The following C2CD2 variants were observed in gnomAD, a reference collection of about 807,000 sequenced individuals.
C2CD2 encodes C2 domain-containing protein 2.
In C2CD2, 43 loss-of-function variants were observed where a neutral mutation model predicts 74.3. That is an observed-to-expected ratio of 0.58 (90% CI 0.45 to 0.75). The LOEUF (loss-of-function observed/expected upper bound fraction) is 0.75, where lower values mean the gene tolerates loss of function less well. C2CD2 is among the 30% of genes least tolerant of loss of function. The pLI is 0.00. For synonymous variants in C2CD2, 422 were observed against 390.7 expected, an observed-to-expected ratio of 1.08 and a Z score of -0.94; for missense variants, 801 against 916.3, an observed-to-expected ratio of 0.87 and a Z score of 1.63.
chr21:41,913,433 T>A (rs2065051438), intron 6 of C2CD2, among the ~76,000 whole-genome samples: 1 of 152,170 alleles, frequency 6.6e-6, no homozygotes. Flanking sequence ...AAGAGAAGAC[T>A]CAGACCCAGA....
intron 2 of C2CD2, among the ~76,000 whole-genome samples, chr21:41,941,010 ACAACAG>A (rs1216859234): frequency 6.6e-6 from 1 of 151,994 alleles, no homozygotes; most frequent in African/African-American, 2.4e-5. Context: ...AATAATAATA[ACAACAG>A]CAACAATAAT....
intron 13 of C2CD2, among the ~76,000 whole-genome samples, chr21:41,889,596 T>C (rs2064724644): frequency 6.6e-6 from 1 of 151,810 alleles, no homozygotes. Flanking sequence ...TCGCTTGATA[T>C]CCCTTTCTAA....
chr21:41,916,840 T>C (rs1211009095), intron 5 of C2CD2, among the ~76,000 whole-genome samples: 1 of 152,230 alleles, frequency 6.6e-6, no homozygotes, highest in Admixed American at 6.5e-5. Flanking sequence ...ATTAAATTCA[T>C]GGATTCCAAA....
In C2CD2 at chr21:41,929,165, C is replaced by T. The variant is rs1313039899; in HGVS notation, c.379-7080G>A. ...CACTAATGGCATGGTTTATTTTGTGCTGTGGTTGGAGCTAGATTCTGGAGG... is the reference window on the plus strand; with the variant it reads ...CACTAATGGCATGGTTTATTTTGTGTTGTGGTTGGAGCTAGATTCTGGAGG... On this transcript the variant is annotated intron_variant, in intron 2 of 13. Transcript: ENST00000380486. The surrounding 1 kb of genome is among the most constrained non-coding windows in gnomAD (Gnocchi z 4.6). Among the ~76,000 whole-genome samples, 1 of 151,874 alleles carries T rather than the reference C, an allele frequency of 6.6e-6. No homozygotes were observed. Among genetic ancestry groups the T allele is most frequent in the Non-Finnish European group, 1.5e-5 (1 of 67,976 alleles).
chr21:41,927,204 C>T (rs1601590950), intron 2 of C2CD2, among the ~76,000 whole-genome samples: 2 of 152,054 alleles, frequency 1.3e-5, no homozygotes, highest in African/African-American at 4.8e-5. Flanking sequence ...CTCACTCTGT[C>T]CCCTAAGCTG....
Position 41,889,189 on chromosome 21 carries a change from T to A in C2CD2, c.2026A>T (p.Lys676Ter). The part of the protein sequence containing the change: ...GITLTRILNK[K>*]LLSRHRNKNT... ...TTGTTTCTGTGCCTGGAGAGCAGCT[T>A]CTTGTTCAGGATCCTGGTGAGGGTG... The change falls in exon 14 of 14, where the codon AAG (lysine) becomes TAG (stop). Residue 676 changes from lysine to a stop codon, truncating the protein, a stop_gained. Transcript: ENST00000380486. LOFTEE classifies it low-confidence loss of function (END_TRUNC). The A allele has an allele frequency of 6.2e-7, 1 of 1,613,182 alleles. No individual in the cohort carries two copies. The highest frequency in any genetic ancestry group is 8.5e-7 in the Non-Finnish European group (1 of 1,180,020).
rs3746906 is a variant in C2CD2 at position 41,907,747 on chromosome 21, A to G, written c.1056T>C (p.Phe352=). 0.64 allele frequency: 1,027,670 copies of G among 1,613,308 alleles called. 329,074 individuals carry two copies. Among genetic ancestry groups the G allele is most frequent in the South Asian group, 0.65 (59,025 of 91,046 alleles). ...LATATVPLDL[F]KKQPSGPQSF... ...TCTGTGGCCCAGAAGGCTGCTTCTT[A>G]AATAAGTCCAGAGGAACTGTCGCCG... is the stretch of plus-strand genomic sequence containing the variant. The change falls in exon 9 of 14, where the codon TTT becomes TTC. Residue 352 remains phenylalanine (F), a synonymous_variant. Transcript: ENST00000380486.
rs185056236 is a variant in C2CD2, at chr21:41,931,684, G to C, written c.379-9599C>G. ...GATCCACCTGCCTCAGCCTCCCAAAGTGCTGGGATTACAAGCGTGAGCCAC... is the reference window on the plus strand; with the variant it reads ...GATCCACCTGCCTCAGCCTCCCAAACTGCTGGGATTACAAGCGTGAGCCAC... On this transcript the variant is annotated intron_variant, in intron 2 of 13. Transcript: ENST00000380486. Among the ~76,000 whole-genome samples the C allele has an allele frequency of 1.5e-3, 223 of 150,434 alleles. 5 individuals are homozygous for C. Among genetic ancestry groups the C allele is most frequent in the African/African-American group, 5.2e-3 (216 of 41,458 alleles).
intron 6 of C2CD2, among the ~76,000 whole-genome samples, chr21:41,914,335 G>A (rs920519115): frequency 1.3e-5 from 2 of 151,104 alleles, no homozygotes; most frequent in Non-Finnish European, 2.9e-5. Context: ...AAAAAAGGCA[G>A]GACAATTCCA....
intron 1 of C2CD2, among the ~76,000 whole-genome samples, chr21:41,947,133 T>C (rs867596290): frequency 6.2e-4 from 63 of 101,772 alleles, no homozygotes; most frequent in South Asian, 1.4e-3. Context: ...TCTCTCTCTC[T>C]CTCTCTCCCT....
chr21:41,934,724 C>G (rs931603381), intron 2 of C2CD2, among the ~76,000 whole-genome samples: 1 of 152,158 alleles, frequency 6.6e-6, no homozygotes. Flanking sequence ...CCTCATAGCC[C>G]GTCTAGGGGG....
chr21:41,912,618 G>A (rs1030361757), intron 6 of C2CD2, among the ~76,000 whole-genome samples, 178 bp from the exon 7 acceptor site: 2 of 152,050 alleles, frequency 1.3e-5, no homozygotes, highest in Non-Finnish European at 2.9e-5. Flanking sequence ...AGCTTCCCGA[G>A]TATCTGGGAT....
At chr21:41,912,129 G>A in intron 7 of C2CD2, 1 of 527,572 alleles carries the variant, frequency 1.9e-6, no homozygotes, top group Non-Finnish European at 3.4e-6. Context: ...GGCAGGAGGA[G>A]AAAACTGACT....
At chr21:41,898,976 G>T in intron 13 of C2CD2, 77 bp downstream of exon 13, 2 of 1,090,788 alleles carry the variant, frequency 1.8e-6, no homozygotes, top group South Asian at 2.6e-5. Context: ...GAAGGCAGAT[G>T]ACTTCAGCTT....
At chr21:41,908,094 A>T (rs2146169994) in intron 8 of C2CD2, 1 of 382,060 alleles carries the variant, frequency 2.6e-6, no homozygotes, top group East Asian at 6.5e-5. Flanking sequence ...AAACTGGAAG[A>T]TGGGCATAAG....
chr21:41,908,243 T>TTGTGTGTGTGTGTGTGAGTGTGTG, intron 8 of C2CD2: 1 of 167,382 alleles, frequency 6.0e-6, no homozygotes. Context: ...TACCCTCAAG[T>TTGTGTGTGTGTGTGTGAGTGTGTG]TGTGTGTGTG....
chr21:41,890,430 G>C (rs894010973), intron 13 of C2CD2, among the ~76,000 whole-genome samples: 13 of 152,326 alleles, frequency 8.5e-5, no homozygotes, highest in Admixed American at 3.3e-4. Context: ...TAAAGATCAA[G>C]TACAAGCTAA....
In C2CD2 at chr21:41,887,597, G is replaced by GA. The variant is rs11482989; in HGVS notation, c.*1526dup. 5,126 of 150,702 alleles carry GA rather than the reference G, an allele frequency of 0.034. 312 individuals carry two copies. Among genetic ancestry groups the GA allele is most frequent in the African/African-American group, 0.12 (4,827 of 40,874 alleles). The allele number at this position is 150,702 out of a possible 1,614,324, so 9.3% of individuals were successfully genotyped here. A position where few individuals can be genotyped will look rare whatever the true frequency, so the allele number is the denominator to read the frequency against. On this transcript the variant is annotated 3_prime_UTR_variant, in exon 14 of 14. Transcript: ENST00000380486. ...TTTTATATAGGTTTTTACTAAAAAA[G>GA]AAAAAAATCCTATAATTTTGGTTTT...
chr21:41,942,584 C>T (rs2065363807), intron 1 of C2CD2, among the ~76,000 whole-genome samples: 1 of 152,180 alleles, frequency 6.6e-6, no homozygotes, highest in Non-Finnish European at 1.5e-5. Context: ...ACTCTTGGGG[C>T]AGGGCTGCTT....
Sources: allele counts gnomAD v4.1 joint callset (sites outside exome capture counted in the v4.1 genomes callset), GRCh38; gene constraint gnomAD v4.1.1; non-coding constraint Gnocchi (gnomAD v3.1); transcripts MANE v1.5; gene names NCBI Gene and HGNC (gene_info 2026-07-23, HGNC 2026-07-21).